CFAP47: variants seen among roughly 807,000 people sequenced by gnomAD.
CFAP47 encodes cilia- and flagella-associated protein 47.
A neutral mutation model predicts 148.1 loss-of-function variants in CFAP47; 29 were observed. That is an observed-to-expected ratio of 0.20 (90% CI 0.15 to 0.27). CFAP47 has a LOEUF of 0.27. Ranked by LOEUF, CFAP47 falls within the 10% of genes least tolerant of loss-of-function variation. The pLI is 1.00. For synonymous variants in CFAP47, 664 were observed against 577.3 expected, an observed-to-expected ratio of 1.15 and a Z score of -2.15; for missense variants, 1,872 against 1,697.5, an observed-to-expected ratio of 1.10 and a Z score of -1.81.
intron 25 of CFAP47, among the ~76,000 whole-genome samples, chrX:36,044,747 T>C (rs1569241040): frequency 8.9e-6 from 1 of 111,843 alleles, no homozygotes; most frequent in Middle Eastern, 4.6e-3. Context: ...CTTCCTGTCT[T>C]CTTCTGAGCC....
chrX:36,273,143 A>G (rs1556002124), intron 49 of CFAP47, among the ~76,000 whole-genome samples: 1 of 111,570 alleles, frequency 9.0e-6, no homozygotes, highest in East Asian at 2.8e-4. Flanking sequence ...TTCAATAAAT[A>G]TTTTAAAAAT....
In CFAP47 at chrX:36,069,682, T is replaced by C. The variant is rs774116491; in HGVS notation, c.4319-2143T>C. Among the ~76,000 whole-genome samples, 3 of 111,255 alleles carry C rather than the reference T, an allele frequency of 2.7e-5. No homozygotes were observed. In the Admixed American group the frequency reaches 2.9e-4, roughly 11 times the overall value. ...AGAAGTTCTGAGTTAGATGCCCTTATATATCTCACTTTACAAATTAAAAAT... is the reference window on the plus strand; with the variant it reads ...AGAAGTTCTGAGTTAGATGCCCTTACATATCTCACTTTACAAATTAAAAAT... On this transcript the variant is annotated intron_variant, in intron 27 of 63. Coordinates refer to ENST00000378653, the MANE Select transcript of CFAP47 (RefSeq NM_001304548.2).
chrX:36,055,023 C>T (rs188367839), intron 26 of CFAP47, among the ~76,000 whole-genome samples: 2,705 of 108,783 alleles, frequency 0.025, 30 homozygotes, highest in Non-Finnish European at 0.039. Flanking sequence ...CCACCCGCCT[C>T]GGCCTCCCAA....
At chrX:36,185,574 G>A (rs911181166) in intron 40 of CFAP47, among the ~76,000 whole-genome samples, 12 of 111,871 alleles carry the variant, frequency 1.1e-4, no homozygotes, top group African/African-American at 3.9e-4. Context: ...GAAGAATAGC[G>A]TTTTCTAAAC....
chrX:36,227,731 A>C (rs1236898497), intron 45 of CFAP47, among the ~76,000 whole-genome samples: 6 of 112,250 alleles, frequency 5.3e-5, no homozygotes, highest in Non-Finnish European at 1.1e-4. Flanking sequence ...CCTTGTACAG[A>C]ATTAGGCGTC....
rs1404309839 is a variant in CFAP47 at position 35,983,711 on chromosome X, A to G, written c.2714-5608A>G. 5.3e-5 allele frequency among the ~76,000 whole-genome samples: 5 copies of G among 94,388 alleles called. No individual in the cohort carries two copies. In the East Asian group the frequency reaches 1.3e-3, roughly 25 times the overall value. The allele number at this position is 94,388 out of a possible 115,157, so 82.0% of individuals were successfully genotyped here. On this transcript the variant is annotated intron_variant, in intron 15 of 63. Transcript: ENST00000378653. ...TATATTGAAAGCCTTTTCTGCATCT[A>G]TTGAGATTATTATGTTTTATATTGT...
chrX:36,272,322 T>A (rs1171984876), intron 49 of CFAP47, among the ~76,000 whole-genome samples: 1 of 109,781 alleles, frequency 9.1e-6, no homozygotes, highest in Non-Finnish European at 1.9e-5. Flanking sequence ...TGGCAACAGT[T>A]TTTTAGGATG....
chrX:36,133,443 G>C (rs1267003528), intron 33 of CFAP47, among the ~76,000 whole-genome samples: 1 of 110,726 alleles, frequency 9.0e-6, no homozygotes, highest in Non-Finnish European at 1.9e-5. Flanking sequence ...GGGCCTTCTT[G>C]CTGCATTATT....
chrX:36,074,590 G>A (rs73629587), intron 29 of CFAP47, among the ~76,000 whole-genome samples: 1,191 of 111,257 alleles, frequency 0.011, 16 homozygotes, highest in African/African-American at 0.036. Context: ...TGAATTAGAT[G>A]ACTTATGGAG....
intron 8 of CFAP47, among the ~76,000 whole-genome samples, chrX:35,965,164 T>C (rs1298932004): frequency 2.7e-5 from 3 of 111,708 alleles, no homozygotes; most frequent in African/African-American, 9.7e-5. Flanking sequence ...TCTAGACTAA[T>C]TCTGTGAAAG....
At chrX:36,062,006 C>G (rs1223267275) in intron 26 of CFAP47, among the ~76,000 whole-genome samples, 1 of 111,579 alleles carries the variant, frequency 9.0e-6, no homozygotes, top group Non-Finnish European at 1.9e-5. Flanking sequence ...GCCAGTGTTA[C>G]CAACATATAA....
At chrX:36,005,235 G>T (rs189670605) in intron 21 of CFAP47, among the ~76,000 whole-genome samples, 2,095 of 110,098 alleles carry the variant, frequency 0.019, 19 homozygotes, top group Non-Finnish European at 0.03. Context: ...TTTTCTGTTT[G>T]ATTTGATCTT....
intron 8 of CFAP47, among the ~76,000 whole-genome samples, chrX:35,964,740 T>C (rs1936378510): frequency 9.0e-6 from 1 of 111,422 alleles, no homozygotes; most frequent in Non-Finnish European, 1.9e-5. Context: ...AAATCTGCTA[T>C]TGAGTCCCTT....
At chrX:35,929,252 A>G (rs1024433073) in intron 2 of CFAP47, among the ~76,000 whole-genome samples, 1 of 111,583 alleles carries the variant, frequency 9.0e-6, no homozygotes, top group African/African-American at 3.3e-5. Flanking sequence ...AGGGAAATAG[A>G]CATCTTTACT....
At chrX:36,356,020 T>TA (rs1358959684) in intron 60 of CFAP47, among the ~76,000 whole-genome samples, 1 of 111,715 alleles carries the variant, frequency 9.0e-6, no homozygotes, top group Non-Finnish European at 1.9e-5. Flanking sequence ...ACTTATAACC[T>TA]AAAAAATCCA....
intron 15 of CFAP47, among the ~76,000 whole-genome samples, chrX:35,983,538 T>A (rs994369426): frequency 4.3e-4 from 48 of 111,947 alleles, no homozygotes; most frequent in African/African-American, 1.6e-3. Context: ...ATTTTAAAGA[T>A]AAATACTTCC....
intron 57 of CFAP47, among the ~76,000 whole-genome samples, chrX:36,324,964 A>G (rs188768516): frequency 1.3e-4 from 14 of 111,634 alleles, no homozygotes; most frequent in Non-Finnish European, 1.7e-4. Context: ...TGATATCTAT[A>G]TCTACAGTTA....
At chrX:36,325,131 A>G (rs1462038889) in intron 57 of CFAP47, among the ~76,000 whole-genome samples, 2 of 111,891 alleles carry the variant, frequency 1.8e-5, no homozygotes, top group African/African-American at 6.5e-5. Flanking sequence ...AATTTTTGGC[A>G]TACCTTTGTA....
intron 46 of CFAP47, among the ~76,000 whole-genome samples, chrX:36,235,484 G>C (rs185878750): frequency 9.3e-4 from 105 of 112,319 alleles, no homozygotes; most frequent in Admixed American, 3.8e-3. Flanking sequence ...GCGCAGTATT[G>C]AGGTGGGAGT....
Sources: gnomAD v4.1 joint callset for allele counts (sites outside exome capture counted in the v4.1 genomes callset) on GRCh38, gnomAD v4.1.1 for gene constraint, MANE v1.5 for transcripts, NCBI Gene and HGNC (gene_info 2026-07-23, HGNC 2026-07-21) for gene names.